The following FAM120B variants were observed in gnomAD, a reference collection of about 807,000 sequenced individuals.
FAM120B encodes constitutive coactivator of peroxisome proliferator-activated receptor gamma.
Under a neutral mutation model 96.3 loss-of-function variants are expected in FAM120B, and 83 were observed. That is an observed-to-expected ratio of 0.86 (90% CI 0.72 to 1.03). The LOEUF (loss-of-function observed/expected upper bound fraction) is 1.03. Among genes scored for constraint, FAM120B ranks in the 50% least tolerant of loss-of-function variants. The pLI is 0.00. For synonymous variants in FAM120B, 407 were observed against 402.7 expected (o/e 1.01, Z -0.13); for missense variants, 1,027 against 1,121.2 (o/e 0.92, Z 1.20).
At chr6:170,385,900 C>G (rs559792331) in intron 6 of FAM120B, among the ~76,000 whole-genome samples, 10 of 152,220 alleles carry the variant, frequency 6.6e-5, no homozygotes, top group African/African-American at 2.4e-4. Flanking sequence ...CTGTCTGATT[C>G]CAGCTATAGG....
At chr6:170,392,487 A>G (rs112070319) in intron 8 of FAM120B, among the ~76,000 whole-genome samples, 240 of 152,330 alleles carry the variant, frequency 1.6e-3, no homozygotes, top group African/African-American at 3.5e-3. Flanking sequence ...TGAAAAATCT[A>G]TCTCATTGAT....
chr6:170,319,790 C>T (rs1027629164), intron 2 of FAM120B, among the ~76,000 whole-genome samples: 1 of 152,146 alleles, frequency 6.6e-6, no homozygotes, highest in African/African-American at 2.4e-5. Context: ...AAAGGTGTAG[C>T]GTTTTGAATC....
chr6:170,337,996 A>AT (rs949971666), intron 4 of FAM120B, among the ~76,000 whole-genome samples: 13 of 151,080 alleles, frequency 8.6e-5, no homozygotes, highest in African/African-American at 2.4e-4. Flanking sequence ...GGATTCATTG[A>AT]TTTTTTTGAA....
chr6:170,357,852 T>G (rs1788053434), intron 5 of FAM120B, among the ~76,000 whole-genome samples: 1 of 152,234 alleles, frequency 6.6e-6, no homozygotes. Context: ...TAGAGAGAGC[T>G]TCACAGCCAG....
At chr6:170,393,750 G>C (rs1017524505) in intron 8 of FAM120B, among the ~76,000 whole-genome samples, 1 of 152,230 alleles carries the variant, frequency 6.6e-6, no homozygotes, top group Admixed American at 6.5e-5. Flanking sequence ...GCAGAACTTA[G>C]ACTGAAGCCT....
chr6:170,402,199 C>G (rs192625313), intron 9 of FAM120B, among the ~76,000 whole-genome samples: 1 of 152,246 alleles, frequency 6.6e-6, no homozygotes, highest in African/African-American at 2.4e-5. Context: ...TCTAGTCTTG[C>G]TTTAATATTT....
intron 9 of FAM120B, among the ~76,000 whole-genome samples, chr6:170,400,892 G>T (rs1161032453): frequency 6.6e-6 from 1 of 152,106 alleles, no homozygotes; most frequent in Non-Finnish European, 1.5e-5. Context: ...ATGGCCCCCA[G>T]GTCAAGTGCC....
At chr6:170,368,226 A>G (rs1055847551) in intron 6 of FAM120B, among the ~76,000 whole-genome samples, 3 of 152,218 alleles carry the variant, frequency 2.0e-5, no homozygotes, top group African/African-American at 7.2e-5. Context: ...AGGTCAAGGT[A>G]TAGTGCATGT....
chr6:170,379,352 T>C (rs1377007269), intron 6 of FAM120B, among the ~76,000 whole-genome samples: 1 of 152,216 alleles, frequency 6.6e-6, no homozygotes, highest in Non-Finnish European at 1.5e-5. Context: ...CTCTTATCAT[T>C]TTCTCAAAAC....
rs1439881062 is a variant in FAM120B at position 170,370,044 on chromosome 6, C to T, written c.2283+11726C>T. Among the ~76,000 whole-genome samples, 1 of 152,076 alleles carries T rather than the reference C, an allele frequency of 6.6e-6. No homozygotes were observed. The highest frequency in any genetic ancestry group is 1.5e-5 in the Non-Finnish European group (1 of 68,012). On this transcript the variant is annotated intron_variant, in intron 6 of 10. Transcript: ENST00000476287. This position sits in a 1 kb window ranked among gnomAD's most constrained non-coding sequence, Gnocchi z 4.3. ...AATTTCAATTTTACAAAAAATGTAC[C>T]TTTTTTGAATATAGCAATCTAATTT...
At chr6:170,356,500 C>CA (rs1787961251) in intron 5 of FAM120B, among the ~76,000 whole-genome samples, 2 of 152,204 alleles carry the variant, frequency 1.3e-5, no homozygotes, top group African/African-American at 2.4e-5. Context: ...ACATACTGTT[C>CA]AGTGCATGAA....
chr6:170,347,032 A>G (rs1326168321), intron 4 of FAM120B, among the ~76,000 whole-genome samples: 1 of 152,198 alleles, frequency 6.6e-6, no homozygotes, highest in Non-Finnish European at 1.5e-5. Context: ...TACTTCAGCC[A>G]TTTTGGAAAT....
chr6:170,329,770 G>A lies in FAM120B; in HGVS notation c.1916-679G>A, dbSNP rs375292584. On this transcript the variant is annotated intron_variant, in intron 3 of 10. Transcript: ENST00000476287. ...TTTGTGTTTTTGTGCTACATTAAGG[G>A]GACATCTCTCCACTTCATTTCTCAG... Among the ~76,000 whole-genome samples the A allele has an allele frequency of 1.1e-4, 16 of 152,066 alleles. No individual in the cohort carries two copies. The East Asian group carries it at 2.1e-3, about 20-fold the overall frequency.
At chr6:170,394,654 C>T (rs1251312030) in intron 8 of FAM120B, among the ~76,000 whole-genome samples, 9 of 114,804 alleles carry the variant, frequency 7.8e-5, no homozygotes, top group East Asian at 2.0e-4. Flanking sequence ...CATGCCAGCA[C>T]GAGGCCACGC....
At position 170,317,648 on chromosome 6, in the gene FAM120B, ATTC is replaced by A. The variant is rs1303734836; in HGVS notation, c.264_266del (p.Phe89del). Reference sequence around the variant, plus strand: ...TTACGGCAGCTGGGATCAAGTTGATATTCTTCTTTGATGGCATGGTGGAGCAGG... The same window carrying A: ...TTACGGCAGCTGGGATCAAGTTGATATTCTTTGATGGCATGGTGGAGCAGG... On this transcript the variant is annotated inframe_deletion, in exon 2 of 11. Transcript: ENST00000476287. 2.5e-6 allele frequency: 4 copies of A among 1,614,198 alleles called. No homozygotes were observed. Among genetic ancestry groups the A allele is most frequent in the Non-Finnish European group, 2.5e-6 (3 of 1,180,046 alleles).
At chr6:170,320,647 A>G (rs1298272010) in intron 2 of FAM120B, among the ~76,000 whole-genome samples, 1 of 152,194 alleles carries the variant, frequency 6.6e-6, no homozygotes, top group Non-Finnish European at 1.5e-5. Context: ...AATTGAGTAG[A>G]TGGCACCTCT....
intron 8 of FAM120B, 114 bp downstream of exon 8, chr6:170,391,235 A>C: frequency 1.3e-6 from 1 of 781,210 alleles, no homozygotes. Flanking sequence ...GATGAACAGA[A>C]TAGAATTTAA....
intron 8 of FAM120B, among the ~76,000 whole-genome samples, chr6:170,391,429 G>A (rs1053199796): frequency 3.9e-5 from 6 of 152,218 alleles, no homozygotes; most frequent in African/African-American, 1.4e-4. Context: ...CAGCTACTTG[G>A]GAGGCTGAGG....
intron 8 of FAM120B, among the ~76,000 whole-genome samples, chr6:170,391,351 A>G (rs532455549): frequency 6.6e-6 from 1 of 152,304 alleles, no homozygotes; most frequent in Admixed American, 6.5e-5. Flanking sequence ...CCTGGCCCAC[A>G]TGGTGAAACC....
Sources: allele counts gnomAD v4.1 joint callset (sites outside exome capture counted in the v4.1 genomes callset), GRCh38; gene constraint gnomAD v4.1.1; non-coding constraint Gnocchi (gnomAD v3.1); transcripts MANE v1.5; gene names NCBI Gene and HGNC (gene_info 2026-07-23, HGNC 2026-07-21).